TRPC4: variants seen among roughly 807,000 people sequenced by gnomAD.
TRPC4 encodes the protein short transient receptor potential channel 4.
TRPC4 carries 49 observed loss-of-function variants against 99.4 expected under a neutral mutation model. The observed-to-expected ratio is 0.49, with a 90% CI of 0.39 to 0.63. The LOEUF (loss-of-function observed/expected upper bound fraction) is 0.63, where lower values mean the gene tolerates loss of function less well. TRPC4 is among the 20% of genes least tolerant of loss of function. The pLI is 0.00. For synonymous variants in TRPC4, 454 were observed against 425.9 expected (o/e 1.07, Z -0.81); for missense variants, 898 against 1,152.9 (o/e 0.78, Z 3.20).
At chr13:37,670,505 A>T (rs775708046) in intron 5 of TRPC4, among the ~76,000 whole-genome samples, 6 of 152,174 alleles carry the variant, frequency 3.9e-5, no homozygotes, top group Non-Finnish European at 7.4e-5. Flanking sequence ...GAAGCAAAAG[A>T]GGTGAATCTA....
intron 3 of TRPC4, among the ~76,000 whole-genome samples, chr13:37,715,456 A>G (rs945716816): frequency 2.0e-5 from 3 of 152,234 alleles, no homozygotes; most frequent in Non-Finnish European, 4.4e-5. Flanking sequence ...AATGCAGATT[A>G]TAAAAATAGT....
At chr13:37,735,400 T>C (rs979422903) in intron 3 of TRPC4, among the ~76,000 whole-genome samples, 3 of 152,202 alleles carry the variant, frequency 2.0e-5, no homozygotes, top group African/African-American at 7.2e-5. Flanking sequence ...GCCGCAACTC[T>C]AAAAGCTGGC....
intron 4 of TRPC4, among the ~76,000 whole-genome samples, chr13:37,685,822 A>G (rs1417180716): frequency 6.6e-6 from 1 of 152,130 alleles, no homozygotes; most frequent in East Asian, 1.9e-4. Flanking sequence ...CAGCATTAAT[A>G]GGGGCACACA....
At chr13:37,745,458 A>ATGCG (rs1555265728) in intron 3 of TRPC4, among the ~76,000 whole-genome samples, 152 of 6,590 alleles carry the variant, frequency 0.023, 3 homozygotes, top group African/African-American at 0.055. Context: ...ATATATATAT[A>ATGCG]TATATATATA....
At chr13:37,639,150 A>T in intron 9 of TRPC4, 21 bp from the exon 10 acceptor site, 1 of 1,613,490 alleles carries the variant, frequency 6.2e-7, no homozygotes. Context: ...TTAGAACAAG[A>T]GTATTGATAC....
chr13:37,785,746 T>A (rs2139363008), intron 1 of TRPC4, among the ~76,000 whole-genome samples: 1 of 152,242 alleles, frequency 6.6e-6, no homozygotes, highest in Middle Eastern at 3.4e-3. Flanking sequence ...AATAAAGAAT[T>A]AGGTAGAGAA....
At chr13:37,734,628 A>G (rs1449581746) in intron 3 of TRPC4, among the ~76,000 whole-genome samples, 1 of 152,126 alleles carries the variant, frequency 6.6e-6, no homozygotes, top group East Asian at 1.9e-4. Flanking sequence ...GTATCAAAAC[A>G]TCACTATGTG....
intron 2 of TRPC4, among the ~76,000 whole-genome samples, chr13:37,778,360 T>A (rs1352979915): frequency 6.6e-6 from 1 of 152,042 alleles, no homozygotes. Context: ...TTAAGTGAGA[T>A]AAAACAAGTA....
chr13:37,837,565 G>T (rs912142130), intron 1 of TRPC4, among the ~76,000 whole-genome samples: 1 of 152,102 alleles, frequency 6.6e-6, no homozygotes, highest in Non-Finnish European at 1.5e-5. Flanking sequence ...GCCTCTTTTT[G>T]GCCAACTTCT....
At position 37,863,808 on chromosome 13, in the gene TRPC4, A is replaced by G. The variant is rs569464329; in HGVS notation, c.-28+5787T>C. Among the ~76,000 whole-genome samples, 25 of 151,778 alleles carry G rather than the reference A, an allele frequency of 1.6e-4. No homozygotes were observed. The South Asian group carries it at 3.9e-3, about 24-fold the overall frequency. On this transcript the variant is annotated intron_variant, in intron 1 of 10. Transcript: ENST00000379705. The stretch of plus-strand genomic sequence containing the variant: ...CAGCTACTTGAATGAACAGTGTGTT[A>G]AAGAGGTTGAGCATAGCAGCTGATG...
At chr13:37,831,562 C>G (rs1375721440) in intron 1 of TRPC4, among the ~76,000 whole-genome samples, 1 of 152,122 alleles carries the variant, frequency 6.6e-6, no homozygotes, top group Non-Finnish European at 1.5e-5. Flanking sequence ...ATCAGTATTT[C>G]AAGGAGACAC....
chr13:37,656,943 G>A (rs1458280258), intron 6 of TRPC4, among the ~76,000 whole-genome samples: 1 of 152,142 alleles, frequency 6.6e-6, no homozygotes, highest in African/African-American at 2.4e-5. Context: ...CCCTTACTCA[G>A]AAGACTGAAG....
At chr13:37,783,833 G>A (rs1956905930) in intron 1 of TRPC4, among the ~76,000 whole-genome samples, 1 of 151,936 alleles carries the variant, frequency 6.6e-6, no homozygotes, top group Non-Finnish European at 1.5e-5. Flanking sequence ...GCAAAATATT[G>A]TTAATTTGTC....
intron 1 of TRPC4, among the ~76,000 whole-genome samples, chr13:37,864,848 T>A (rs1357210932): frequency 6.6e-6 from 1 of 151,664 alleles, no homozygotes; most frequent in African/African-American, 2.4e-5. Flanking sequence ...TGCAGAATAT[T>A]TTTACAGAAA....
intron 3 of TRPC4, among the ~76,000 whole-genome samples, chr13:37,743,671 A>G (rs1955658612): frequency 6.6e-6 from 1 of 152,158 alleles, no homozygotes; most frequent in Admixed American, 6.6e-5. Context: ...AACAGTTATT[A>G]AGGAAATTAA....
intron 4 of TRPC4, among the ~76,000 whole-genome samples, chr13:37,690,533 G>A (rs1220657107): frequency 2.0e-5 from 3 of 152,086 alleles, no homozygotes; most frequent in South Asian, 2.1e-4. Context: ...GATCTCAAGC[G>A]ATCCGCCCGC....
At chr13:37,776,558 C>T (rs997892855) in intron 2 of TRPC4, among the ~76,000 whole-genome samples, 1 of 151,736 alleles carries the variant, frequency 6.6e-6, no homozygotes, top group African/African-American at 2.4e-5. Context: ...CAGGATTTGA[C>T]CTCAAACAGG....
intron 4 of TRPC4, among the ~76,000 whole-genome samples, chr13:37,682,009 G>A (rs1284820853): frequency 2.0e-5 from 3 of 152,028 alleles, no homozygotes; most frequent in Non-Finnish European, 1.5e-5. Flanking sequence ...TATGTCCTGC[G>A]AAGCTGGCTG....
intron 1 of TRPC4, among the ~76,000 whole-genome samples, chr13:37,841,358 G>C (rs1053154333): frequency 6.6e-6 from 1 of 151,870 alleles, no homozygotes; most frequent in African/African-American, 2.4e-5. Flanking sequence ...TGTTTTCTCG[G>C]TTCCTTACCT....
Sources: gnomAD v4.1 joint callset for allele counts (sites outside exome capture counted in the v4.1 genomes callset) on GRCh38, gnomAD v4.1.1 for gene constraint, MANE v1.5 for transcripts, NCBI Gene and HGNC (gene_info 2026-07-23, HGNC 2026-07-21) for gene names.